MYO3B: variants seen among roughly 807,000 people sequenced by gnomAD.
MYO3B encodes myosin IIIB, also known as myosin-IIIb.
In MYO3B, 156 loss-of-function variants were observed where a neutral mutation model predicts 174.6. That is an observed-to-expected ratio of 0.89 (90% CI 0.78 to 1.02). The LOEUF (loss-of-function observed/expected upper bound fraction) is 1.02. Among genes scored for constraint, MYO3B ranks in the 50% least tolerant of loss-of-function variants. The probability of loss-of-function intolerance (pLI) is 0.00; values close to 1 mark genes in which losing one functional copy is unlikely to be tolerated. For missense variants in MYO3B, 1,632 were observed against 1,639.4 expected, an observed-to-expected ratio of 1.00 and a Z score of 0.08; for synonymous variants, 563 against 569.1, an observed-to-expected ratio of 0.99 and a Z score of 0.15.
At chr2:170,495,965 C>A (rs1686834503) in intron 25 of MYO3B, among the ~76,000 whole-genome samples, 1 of 152,226 alleles carries the variant, frequency 6.6e-6, no homozygotes, top group Non-Finnish European at 1.5e-5. Flanking sequence ...GCTGAAGAAT[C>A]TGTGCTGATG....
intron 30 of MYO3B, among the ~76,000 whole-genome samples, chr2:170,523,275 G>A (rs1688795156): frequency 6.6e-6 from 1 of 152,210 alleles, no homozygotes; most frequent in African/African-American, 2.4e-5. Flanking sequence ...TATGAGGGAA[G>A]TGTTTTTCTT....
chr2:170,445,645 T>C (rs1280568579), intron 23 of MYO3B, among the ~76,000 whole-genome samples: 2 of 152,100 alleles, frequency 1.3e-5, no homozygotes, highest in Non-Finnish European at 2.9e-5. Flanking sequence ...TGGCCCATTT[T>C]TTTTTTTAGA....
At chr2:170,547,832 A>G (rs972765999) in intron 32 of MYO3B, among the ~76,000 whole-genome samples, 1 of 152,194 alleles carries the variant, frequency 6.6e-6, no homozygotes, top group African/African-American at 2.4e-5. Flanking sequence ...GTGGGATGTT[A>G]GAAGGGTGAA....
chr2:170,273,981 T>A (rs968314737), intron 7 of MYO3B, among the ~76,000 whole-genome samples: 1 of 152,008 alleles, frequency 6.6e-6, no homozygotes, highest in Non-Finnish European at 1.5e-5. Flanking sequence ...AACTGAGACA[T>A]AGAGAGTCAT....
chr2:170,319,990 G>A (rs2093812335), intron 7 of MYO3B, among the ~76,000 whole-genome samples: 2 of 152,196 alleles, frequency 1.3e-5, no homozygotes, highest in Admixed American at 6.5e-5. Context: ...GAGAGAACTT[G>A]TTGCTAGCCA....
At chr2:170,371,034 T>A (rs999919128) in intron 9 of MYO3B, among the ~76,000 whole-genome samples, 3 of 151,696 alleles carry the variant, frequency 2.0e-5, no homozygotes, top group Admixed American at 2.0e-4. Flanking sequence ...CTGGCCAACA[T>A]GGTGACACCC....
intron 34 of MYO3B, 58 bp from the exon 35 acceptor site, chr2:170,652,922 GTGA>G (rs1213472551): frequency 6.3e-7 from 1 of 1,597,916 alleles, no homozygotes; most frequent in African/African-American, 1.3e-5. Flanking sequence ...AGCTGCCCCA[GTGA>G]TGATTGTAAC....
chr2:170,481,959 T>A (rs568155634), intron 25 of MYO3B, among the ~76,000 whole-genome samples: 1 of 152,306 alleles, frequency 6.6e-6, no homozygotes, highest in South Asian at 2.1e-4. Flanking sequence ...ACATTACGAA[T>A]GTTATAACCT....
chr2:170,329,152 C>CAA (rs57648392), intron 7 of MYO3B, among the ~76,000 whole-genome samples: 1 of 136,864 alleles, frequency 7.3e-6, no homozygotes, highest in African/African-American at 2.6e-5. Context: ...ACTCTGTCTC[C>CAA]AAAAAAAAAA....
intron 22 of MYO3B, among the ~76,000 whole-genome samples, chr2:170,413,450 G>A (rs72876351): frequency 0.06 from 9,160 of 152,148 alleles, 308 homozygotes; most frequent in South Asian, 0.083. Context: ...AGGATGGCTC[G>A]TGATGCTGAT....
chr2:170,351,358 T>C (rs17497213), intron 8 of MYO3B, among the ~76,000 whole-genome samples: 16,528 of 152,164 alleles, frequency 0.11, 1,203 homozygotes, highest in Non-Finnish European at 0.15. Flanking sequence ...GTGCTCTAAC[T>C]GTAGCAATTT....
At chr2:170,398,339 C>T (rs989812522) in intron 16 of MYO3B, among the ~76,000 whole-genome samples, 2 of 151,838 alleles carry the variant, frequency 1.3e-5, no homozygotes, top group African/African-American at 2.4e-5. Flanking sequence ...CCTCTGAGCA[C>T]ACCACTCTCC....
chr2:170,598,588 G>A (rs1381164572), intron 32 of MYO3B, among the ~76,000 whole-genome samples: 2 of 152,170 alleles, frequency 1.3e-5, no homozygotes, highest in Non-Finnish European at 2.9e-5. Flanking sequence ...TAAGAACCAT[G>A]CTATGGCTAC....
intron 30 of MYO3B, among the ~76,000 whole-genome samples, chr2:170,530,078 G>A (rs1425490518): frequency 1.3e-5 from 2 of 152,202 alleles, no homozygotes; most frequent in Non-Finnish European, 2.9e-5. Flanking sequence ...GCTGTTAACA[G>A]TAGTAATGCC....
intron 22 of MYO3B, among the ~76,000 whole-genome samples, chr2:170,410,863 G>A (rs1396615321): frequency 1.3e-5 from 2 of 151,756 alleles, no homozygotes; most frequent in African/African-American, 4.8e-5. Flanking sequence ...TTCTCCAAAA[G>A]ATAGAGAAGA....
intron 19 of MYO3B, among the ~76,000 whole-genome samples, chr2:170,403,642 G>A (rs1396780042): frequency 6.6e-6 from 1 of 152,170 alleles, no homozygotes; most frequent in East Asian, 1.9e-4. Flanking sequence ...AAACATTCTG[G>A]CTAAGCCTCT....
chr2:170,352,458 T>C (rs556097257), intron 8 of MYO3B, among the ~76,000 whole-genome samples: 9 of 152,128 alleles, frequency 5.9e-5, no homozygotes, highest in Non-Finnish European at 8.8e-5. Flanking sequence ...AAAAAAAGCA[T>C]TGGAGGAAAA....
At chr2:170,391,175 T>C (rs2094409191) in intron 14 of MYO3B, among the ~76,000 whole-genome samples, 1 of 152,088 alleles carries the variant, frequency 6.6e-6, no homozygotes, top group Non-Finnish European at 1.5e-5. Flanking sequence ...CTGATGTCTC[T>C]AAGCTGGACC....
intron 1 of MYO3B, among the ~76,000 whole-genome samples, chr2:170,193,076 C>A (rs2092559004): frequency 6.6e-6 from 1 of 151,650 alleles, no homozygotes; most frequent in Non-Finnish European, 1.5e-5. Context: ...TTATTGTCAC[C>A]TTGTTCTGTC....
Sources: allele counts gnomAD v4.1 joint callset (sites outside exome capture counted in the v4.1 genomes callset), GRCh38; gene constraint gnomAD v4.1.1; transcripts MANE v1.5; gene names NCBI Gene and HGNC (gene_info 2026-07-23, HGNC 2026-07-21).